UNC5CL: variants seen among roughly 807,000 people sequenced by gnomAD.
UNC5CL encodes unc-5 family C-terminal like, also known as UNC5C-like protein.
UNC5CL carries 42 observed loss-of-function variants against 54.1 expected under a neutral mutation model. The ratio of observed to expected loss-of-function variants is 0.78; its 90% CI spans 0.61 to 1.00. The LOEUF (loss-of-function observed/expected upper bound fraction) is 1.00. Among genes scored for constraint, UNC5CL ranks in the 50% least tolerant of loss-of-function variants. The pLI is 0.00. For synonymous variants in UNC5CL, 285 were observed against 285.1 expected, an observed-to-expected ratio of 1.00 and a Z score of 0.00; for missense variants, 619 against 675.6, an observed-to-expected ratio of 0.92 and a Z score of 0.93.
Position 41,029,365 on chromosome 6 carries a change from A to G in UNC5CL, c.1335-770T>C, listed in dbSNP as rs1031052150. Among the ~76,000 whole-genome samples, 3 of 152,222 alleles carry G rather than the reference A, an allele frequency of 2.0e-5. No individual in the cohort carries two copies. Among genetic ancestry groups the G allele is most frequent in the Non-Finnish European group, 2.9e-5 (2 of 68,034 alleles). On this transcript the variant is annotated intron_variant, in intron 8 of 8. Transcript: ENST00000244565. This position sits in a 1 kb window ranked among gnomAD's most constrained non-coding sequence, Gnocchi z 4.1. ...CATCCCTCAGTTCAGACTTCTGGTC[A>G]TAACGCCCGCAGTTCATTATTATTC... is the stretch of plus-strand genomic sequence containing the variant.
chr6:41,034,384 C>A (rs1390674269), intron 2 of UNC5CL, among the ~76,000 whole-genome samples: 2 of 152,188 alleles, frequency 1.3e-5, no homozygotes, highest in African/African-American at 4.8e-5. Context: ...ACTTCCCTTT[C>A]CACCCAGGCT....
chr6:41,034,510 G>A (rs1399991004), intron 2 of UNC5CL, among the ~76,000 whole-genome samples, 180 bp downstream of exon 2: 3 of 152,194 alleles, frequency 2.0e-5, no homozygotes, highest in Admixed American at 2.0e-4. Flanking sequence ...ACTTCCACCT[G>A]CCAGGAAGTT....
intron 4 of UNC5CL, 145 bp downstream of exon 4, chr6:41,032,739 C>A: frequency 7.8e-7 from 1 of 1,285,388 alleles, no homozygotes; most frequent in Non-Finnish European, 1.0e-6. Context: ...CCGGCCTGGG[C>A]AACAGAGCGA....
rs1407106189 is a variant in UNC5CL at position 41,032,992 on chromosome 6, G to A, written c.841C>T (p.Leu281=). The A allele has an allele frequency of 3.1e-6, 5 of 1,605,114 alleles. No homozygotes were observed. Among genetic ancestry groups the A allele is most frequent in the African/African-American group, 2.7e-5 (2 of 74,876 alleles). Residue 281 remains leucine (L), a synonymous_variant, in exon 4 of 9, where the codon CTG becomes TTG. Transcript: ENST00000244565. ...NNTPCALQWA[L]TNEQPHGGRL... The stretch of plus-strand genomic sequence containing the variant: ...CCACCATGGGGCTGCTCGTTGGTCA[G>A]TGCCCACTGCAGGGCGCAGGGCGTG...
At position 41,032,938 on chromosome 6, in the gene UNC5CL, C is replaced by T. The variant is rs746188951; in HGVS notation, c.895G>A (p.Asp299Asn). Residue 299 changes from aspartate to asparagine, a missense_variant, in exon 4 of 9, where the codon GAC (aspartate) becomes AAC (asparagine). Transcript: ENST00000244565. ...TGGTCGCCCCTAGCCCCATTGAAGT[C>T]GAAGAGCTGGCAGGGCCCACGCAGG... ...GRLRGPCQLF[D>N]FNGARGDQCL... 12 of 1,605,296 alleles carry T rather than the reference C, an allele frequency of 7.5e-6. No homozygotes were observed. Among genetic ancestry groups the T allele is most frequent in the African/African-American group, 1.3e-5 (1 of 74,860 alleles).
rs773199873 is a variant in UNC5CL at position 41,030,420 on chromosome 6, G to T, written c.1302C>A (p.Ala434=). ...SITGNDWRRL[A]SHLGLCGMKI... is the part of the protein sequence containing the mutation. ...TCATGCCGCAAAGCCCCAGGTGGGAGGCCAGTCTGCGCCAGTCATTGCCGG... is the reference window on the plus strand; with the variant it reads ...TCATGCCGCAAAGCCCCAGGTGGGATGCCAGTCTGCGCCAGTCATTGCCGG... The change falls in exon 8 of 9, where the codon GCC becomes GCA. Residue 434 remains alanine (A), a synonymous_variant. Coordinates refer to ENST00000244565, the MANE Select transcript of UNC5CL (RefSeq NM_173561.3). 3.8e-5 allele frequency: 62 copies of T among 1,614,008 alleles called. 3 individuals are homozygous for T. In the South Asian group the frequency reaches 6.5e-4, roughly 17 times the overall value.
rs748069811 is a variant in UNC5CL at position 41,028,229 on chromosome 6, C to T, written c.*144G>A. The T allele has an allele frequency of 3.8e-5, 33 of 867,648 alleles. No individual in the cohort carries two copies. The highest frequency in any genetic ancestry group is 5.2e-5 in the Non-Finnish European group (31 of 595,260). The allele number at this position is 867,648 out of a possible 1,614,324, so 53.7% of individuals were successfully genotyped here. A position where few individuals can be genotyped will look rare whatever the true frequency, so the allele number is the denominator to read the frequency against. ...GGCGCGCCTGCTGCTGGGAGGCTGG[C>T]GAGGACGCGGGCGGCCCTGGCACCG... On this transcript the variant is annotated 3_prime_UTR_variant, in exon 9 of 9. Coordinates refer to ENST00000244565, the MANE Select transcript of UNC5CL (RefSeq NM_173561.3). This position sits in a 1 kb window ranked among gnomAD's most constrained non-coding sequence, Gnocchi z 4.3.
Position 41,028,677 on chromosome 6 carries a change from A to C in UNC5CL, c.1335-82T>G. 1 of 1,370,212 alleles carries C rather than the reference A, an allele frequency of 7.3e-7. No individual in the cohort carries two copies. The highest frequency in any genetic ancestry group is 1.0e-6 in the Non-Finnish European group (1 of 994,150). The allele number at this position is 1,370,212 out of a possible 1,614,324, so 84.9% of individuals were successfully genotyped here. On this transcript the variant is annotated intron_variant, in intron 8 of 8. Coordinates refer to ENST00000244565, the MANE Select transcript of UNC5CL (RefSeq NM_173561.3). This position sits in a 1 kb window ranked among gnomAD's most constrained non-coding sequence, Gnocchi z 4.3. Reference sequence around the variant, plus strand: ...CTGCTGCAGGCTCCCTGGGCTGCGCAGCGCAAGGTCCGTCCCTTCCCCATC... The same window carrying C: ...CTGCTGCAGGCTCCCTGGGCTGCGCCGCGCAAGGTCCGTCCCTTCCCCATC...
At chr6:41,034,496 C>T (rs1762494822) in intron 2 of UNC5CL, among the ~76,000 whole-genome samples, 194 bp downstream of exon 2, 1 of 152,236 alleles carries the variant, frequency 6.6e-6, no homozygotes, top group Admixed American at 6.5e-5. Context: ...GAACAAGGCA[C>T]TTTACTTCCA....
intron 4 of UNC5CL, 38 bp downstream of exon 4, chr6:41,032,846 C>G: frequency 6.5e-7 from 1 of 1,539,292 alleles, no homozygotes; most frequent in South Asian, 1.2e-5. Flanking sequence ...CTGTGGGGCT[C>G]CCGATCATCC....
chr6:41,038,116 C>A (rs1255304474), intron 1 of UNC5CL, among the ~76,000 whole-genome samples: 1 of 152,164 alleles, frequency 6.6e-6, no homozygotes, highest in African/African-American at 2.4e-5. Flanking sequence ...CTTTCTCTCT[C>A]CACCCCTTCT....
At chr6:41,038,101 A>AC (rs1201695314) in intron 1 of UNC5CL, among the ~76,000 whole-genome samples, 1 of 152,078 alleles carries the variant, frequency 6.6e-6, no homozygotes, top group Non-Finnish European at 1.5e-5. Flanking sequence ...TTCCAGAGAT[A>AC]CCCCCTTTCT....
chr6:41,030,135 C>T (rs2114006587), intron 8 of UNC5CL, among the ~76,000 whole-genome samples: 1 of 152,326 alleles, frequency 6.6e-6, no homozygotes, highest in South Asian at 2.1e-4. Flanking sequence ...TCAACATGTA[C>T]CAAATAACTT....
chr6:41,033,222 C>A, intron 3 of UNC5CL, 76 bp from the exon 4 acceptor site: 1 of 1,522,900 alleles, frequency 6.6e-7, no homozygotes, highest in South Asian at 1.3e-5. Flanking sequence ...CAGCCTCCTG[C>A]CACCTGAGGG....
In UNC5CL at chr6:41,028,204, G is replaced by A. The variant is rs965704958; in HGVS notation, c.*169C>T. The A allele has an allele frequency of 7.2e-5, 52 of 717,578 alleles. No homozygotes were observed. Among genetic ancestry groups the A allele is most frequent in the Admixed American group, 2.2e-4 (7 of 31,122 alleles). The allele number at this position is 717,578 out of a possible 1,614,324, so 44.5% of individuals were successfully genotyped here. On this transcript the variant is annotated 3_prime_UTR_variant, in exon 9 of 9. Coordinates refer to ENST00000244565, the MANE Select transcript of UNC5CL (RefSeq NM_173561.3). The surrounding 1 kb of genome is among the most constrained non-coding windows in gnomAD (Gnocchi z 4.3). ...ACGCGGGACAGCTCGCGGCCGGAAG[G>A]GCGCGCCTGCTGCTGGGAGGCTGGC...
At chr6:41,033,369 G>A (rs532017709) in intron 3 of UNC5CL, among the ~76,000 whole-genome samples, 1 of 152,216 alleles carries the variant, frequency 6.6e-6, no homozygotes, top group African/African-American at 2.4e-5. Context: ...GCAGGGGAGA[G>A]AGGGAAAGTG....
chr6:41,034,617 G>T, intron 2 of UNC5CL, 73 bp downstream of exon 2: 1 of 1,517,174 alleles, frequency 6.6e-7, no homozygotes, highest in Non-Finnish European at 8.9e-7. Flanking sequence ...TATGAACATT[G>T]CTCCCTCAGA....
chr6:41,034,212 C>G, intron 2 of UNC5CL, 31 bp from the exon 3 acceptor site: 1 of 1,572,108 alleles, frequency 6.4e-7, no homozygotes, highest in Non-Finnish European at 8.6e-7. Context: ...TGAGATGGGC[C>G]TGGTAGGCAG....
In UNC5CL at chr6:41,034,683, C is replaced by T; in HGVS notation, c.385+7G>A. The T allele has an allele frequency of 6.9e-6, 11 of 1,599,324 alleles. No individual in the cohort carries two copies. Among genetic ancestry groups the T allele is most frequent in the Non-Finnish European group, 9.3e-6 (11 of 1,178,182 alleles). On this transcript the variant is annotated splice_region_variant and intron_variant, in intron 2 of 8. Transcript: ENST00000244565. ...TGTATGCGGAGATGAGAGCCAGGAG[C>T]TGTTACCTGGTGGGATGAGCAAGGA...
Sources: gnomAD v4.1 joint callset for allele counts (sites outside exome capture counted in the v4.1 genomes callset) on GRCh38, gnomAD v4.1.1 for gene constraint, Gnocchi (gnomAD v3.1) non-coding constraint, MANE v1.5 for transcripts, NCBI Gene and HGNC (gene_info 2026-07-23, HGNC 2026-07-21) for gene names.